Variants in CCDC178 observed in about 807,000 individuals in gnomAD.
The protein encoded by CCDC178 is coiled-coil domain-containing protein 178.
Under a neutral mutation model 117.4 loss-of-function variants are expected in CCDC178, and 126 were observed. That is an observed-to-expected ratio of 1.07 (90% CI 0.93 to 1.24). The LOEUF (loss-of-function observed/expected upper bound fraction) is 1.24, where lower values mean the gene tolerates loss of function less well. Among genes scored for constraint, CCDC178 ranks in the 50% most tolerant of loss-of-function variants. The pLI, the probability that CCDC178 is intolerant of heterozygous loss-of-function variation, is 0.00. For missense variants in CCDC178, 1,030 were observed against 986.9 expected, an observed-to-expected ratio of 1.04 and a Z score of -0.59; for synonymous variants, 283 against 313.4, an observed-to-expected ratio of 0.90 and a Z score of 1.02.
intron 21 of CCDC178, among the ~76,000 whole-genome samples, chr18:33,084,810 C>T (rs113566746): frequency 0.024 from 3,029 of 125,756 alleles, 41 homozygotes; most frequent in Non-Finnish European, 0.038. Flanking sequence ...GGCCCCGTCT[C>T]AAAAAAAAAA....
intron 15 of CCDC178, among the ~76,000 whole-genome samples, chr18:33,244,170 A>G (rs1008572895): frequency 1.3e-5 from 2 of 152,070 alleles, no homozygotes; most frequent in African/African-American, 4.8e-5. Context: ...CACAAAGGAA[A>G]GTATTCATTG....
chr18:33,150,594 T>G (rs1201102668), intron 20 of CCDC178, among the ~76,000 whole-genome samples: 2 of 152,088 alleles, frequency 1.3e-5, no homozygotes, highest in Non-Finnish European at 2.9e-5. Context: ...AAAGAAGATA[T>G]GCAAACAGCC....
intron 12 of CCDC178, among the ~76,000 whole-genome samples, chr18:33,278,207 T>C (rs542524742): frequency 3.2e-4 from 48 of 150,044 alleles, no homozygotes; most frequent in African/African-American, 1.1e-3. Context: ...AATCATGACT[T>C]TCCAATGATC....
At chr18:33,345,771 T>C (rs2062883498) in intron 9 of CCDC178, among the ~76,000 whole-genome samples, 1 of 152,220 alleles carries the variant, frequency 6.6e-6, no homozygotes, top group Admixed American at 6.5e-5. Flanking sequence ...AGTTTTTATC[T>C]GTGAACCCAG....
intron 3 of CCDC178, among the ~76,000 whole-genome samples, chr18:33,403,688 A>G (rs770263380): frequency 6.6e-6 from 1 of 152,196 alleles, no homozygotes; most frequent in Admixed American, 6.5e-5. Context: ...TAAGGTTACA[A>G]TGTAAACTGA....
At chr18:33,161,221 C>T (rs1186910261) in intron 20 of CCDC178, among the ~76,000 whole-genome samples, 1 of 152,014 alleles carries the variant, frequency 6.6e-6, no homozygotes, top group Non-Finnish European at 1.5e-5. Flanking sequence ...AATCAAAGAT[C>T]TGCTTAGGAA....
chr18:32,964,052 A>G (rs2054761349), intron 22 of CCDC178, among the ~76,000 whole-genome samples: 1 of 152,028 alleles, frequency 6.6e-6, no homozygotes, highest in South Asian at 2.1e-4. Context: ...TTGTAGAGGC[A>G]TTTGACCATA....
intron 21 of CCDC178, among the ~76,000 whole-genome samples, chr18:33,017,264 T>A (rs1332078450): frequency 6.6e-6 from 1 of 151,830 alleles, no homozygotes; most frequent in East Asian, 1.9e-4. Context: ...GATTGAAGGG[T>A]ACAAGATCAA....
intron 22 of CCDC178, among the ~76,000 whole-genome samples, chr18:32,948,352 C>A (rs1405591274): frequency 6.6e-6 from 1 of 152,048 alleles, no homozygotes; most frequent in East Asian, 1.9e-4. Context: ...TTGATTTATT[C>A]AGGACTTCTT....
chr18:32,947,514 G>C (rs1008131244), intron 22 of CCDC178, among the ~76,000 whole-genome samples: 18 of 152,108 alleles, frequency 1.2e-4, no homozygotes. Context: ...TTGGTGAATT[G>C]TCTATTCAAA....
At chr18:33,240,995 C>A (rs983375597) in intron 15 of CCDC178, among the ~76,000 whole-genome samples, 3 of 151,868 alleles carry the variant, frequency 2.0e-5, no homozygotes, top group African/African-American at 7.2e-5. Context: ...AAAGATATTA[C>A]ACCATAATCA....
chr18:33,273,046 AAAAAAT>A (rs1174373940), intron 12 of CCDC178, among the ~76,000 whole-genome samples: 35 of 151,312 alleles, frequency 2.3e-4, no homozygotes, highest in African/African-American at 8.4e-4. Flanking sequence ...TTAGGCAAAA[AAAAAAT>A]AAAAATAAAA....
chr18:33,100,608 C>T (rs149819238), intron 20 of CCDC178, among the ~76,000 whole-genome samples: 78 of 152,034 alleles, frequency 5.1e-4, no homozygotes, highest in Middle Eastern at 3.4e-3. Flanking sequence ...CAACTGATTT[C>T]TGGAGATATT....
At chr18:32,945,558 T>TTAAA (rs1331982177) in intron 22 of CCDC178, among the ~76,000 whole-genome samples, 1 of 152,224 alleles carries the variant, frequency 6.6e-6, no homozygotes, top group Non-Finnish European at 1.5e-5. Flanking sequence ...CTAAGGTGTT[T>TTAAA]CAGCTCAATA....
At chr18:33,339,845 G>A (rs2062792749) in intron 9 of CCDC178, among the ~76,000 whole-genome samples, 1 of 152,032 alleles carries the variant, frequency 6.6e-6, no homozygotes, top group African/African-American at 2.4e-5. Flanking sequence ...AGCCATATGG[G>A]ACTGTAACTC....
At chr18:33,284,098 T>C (rs984762165) in intron 12 of CCDC178, among the ~76,000 whole-genome samples, 3 of 152,218 alleles carry the variant, frequency 2.0e-5, no homozygotes, top group African/African-American at 7.2e-5. Flanking sequence ...GATTATGTAC[T>C]TTGCAGGGAC....
chr18:33,288,673 C>T lies in CCDC178; in HGVS notation c.1176+4486G>A, dbSNP rs116138112. Among the ~76,000 whole-genome samples the T allele has an allele frequency of 6.2e-3, 941 of 151,954 alleles. 7 individuals carry two copies. The highest frequency in any genetic ancestry group is 0.017 in the African/African-American group (724 of 41,446). On this transcript the variant is annotated intron_variant, in intron 12 of 22. Transcript: ENST00000383096. ...TTATAAGCGCCAGCATAGGGGTAAACGCAGAGTGTAGTTAGAGTTCAAAGC... is the reference window on the plus strand; with the variant it reads ...TTATAAGCGCCAGCATAGGGGTAAATGCAGAGTGTAGTTAGAGTTCAAAGC...
chr18:33,060,224 A>G (rs987167559), intron 21 of CCDC178, among the ~76,000 whole-genome samples: 1 of 152,156 alleles, frequency 6.6e-6, no homozygotes, highest in African/African-American at 2.4e-5. Flanking sequence ...AAAGGAGCCA[A>G]ATAACGAGTT....
chr18:33,085,825 A>G (rs150256996), intron 21 of CCDC178, among the ~76,000 whole-genome samples: 1 of 152,252 alleles, frequency 6.6e-6, no homozygotes, highest in African/African-American at 2.4e-5. Context: ...TTTTGAAGAA[A>G]AAAGAAATGA....
Sources: gnomAD v4.1 joint callset for allele counts (sites outside exome capture counted in the v4.1 genomes callset) on GRCh38, gnomAD v4.1.1 for gene constraint, MANE v1.5 for transcripts, NCBI Gene and HGNC (gene_info 2026-07-23, HGNC 2026-07-21) for gene names.